Variants in ZNF275 observed in about 807,000 individuals in gnomAD.
The protein encoded by ZNF275 is zinc finger protein 275.
In ZNF275, 4 loss-of-function variants were observed where a neutral mutation model predicts 4.3. The ratio of observed to expected loss-of-function variants is 0.93; its 90% CI spans 0.46 to 2.13. ZNF275 has a LOEUF of 2.13. ZNF275 is among the 30% of genes most tolerant of loss of function. The pLI is 0.02. For synonymous variants in ZNF275, 173 were observed against 166.9 expected (o/e 1.04, Z -0.28); for missense variants, 352 against 397.1 (o/e 0.89, Z 0.97).
intron 2 of ZNF275, among the ~76,000 whole-genome samples, chrX:153,341,637 A>T (rs1053496767): frequency 9.0e-6 from 1 of 111,710 alleles, no homozygotes; most frequent in Non-Finnish European, 1.9e-5. Context: ...TCTGCTGGTG[A>T]TGAATTCTCT....
In ZNF275 at chrX:153,350,035, G is replaced by C. The variant is rs2088546804; in HGVS notation, c.*2060G>C. 1 of 124,104 alleles carries C rather than the reference G, an allele frequency of 8.1e-6. No homozygotes were observed. Among genetic ancestry groups the C allele is most frequent in the African/African-American group, 3.2e-5 (1 of 31,025 alleles). 10.2% of individuals were successfully genotyped at this position (124,104 alleles called of 1,213,427 possible). A position where few individuals can be genotyped will look rare whatever the true frequency, so the allele number is the denominator to read the frequency against. On this transcript the variant is annotated 3_prime_UTR_variant, in exon 4 of 4. Coordinates refer to ENST00000650114, the MANE Select transcript of ZNF275 (RefSeq NM_001367757.1). ...GGGAGCCTTGGCAATGCTCCGAGTG[G>C]ATTCAGTGACTGAGCAGCAGATTCA... is the stretch of plus-strand genomic sequence containing the variant.
chrX:153,342,164 CTA>C (rs1401313100), intron 2 of ZNF275, among the ~76,000 whole-genome samples: 2 of 112,083 alleles, frequency 1.8e-5, no homozygotes, highest in African/African-American at 6.5e-5. Flanking sequence ...ATTTCTATTG[CTA>C]TGTCATCAAG....
chrX:153,337,257 T>C (rs782413909), intron 2 of ZNF275, among the ~76,000 whole-genome samples: 1 of 111,776 alleles, frequency 8.9e-6, no homozygotes, highest in African/African-American at 3.3e-5. Context: ...TGTTAGAGAA[T>C]GTTGCTTGGC....
intron 2 of ZNF275, among the ~76,000 whole-genome samples, chrX:153,337,308 T>C (rs1556960676): frequency 8.9e-6 from 1 of 111,793 alleles, no homozygotes. Flanking sequence ...GTCTTTAGGC[T>C]CAGAAGCTAC....
intron 3 of ZNF275, 22 bp downstream of exon 3, chrX:153,345,643 G>A (rs374358643): frequency 2.6e-6 from 3 of 1,153,283 alleles, no homozygotes; most frequent in Non-Finnish European, 3.5e-6. Context: ...AGAAATGTGA[G>A]GAAATTGGGG....
intron 3 of ZNF275, among the ~76,000 whole-genome samples, chrX:153,346,450 G>A (rs1556961560): frequency 9.1e-6 from 1 of 110,035 alleles, no homozygotes; most frequent in African/African-American, 3.3e-5. Context: ...TGGGGCCCCA[G>A]CTGAGCTCTT....
At chrX:153,338,792 A>T (rs782766862) in intron 2 of ZNF275, among the ~76,000 whole-genome samples, 1 of 107,530 alleles carries the variant, frequency 9.3e-6, no homozygotes, top group Admixed American at 1.0e-4. Flanking sequence ...TGTTAACAGG[A>T]TGGTTTAAAG....
chrX:153,341,276 T>G (rs1295305696), intron 2 of ZNF275, among the ~76,000 whole-genome samples: 4 of 112,117 alleles, frequency 3.6e-5, no homozygotes, highest in African/African-American at 1.3e-4. Context: ...TTCCATTCTT[T>G]TTTCCCCTCT....
At chrX:153,344,122 T>C (rs1182444855) in intron 2 of ZNF275, 1 of 329,014 alleles carries the variant, frequency 3.0e-6, no homozygotes, top group Non-Finnish European at 5.9e-6. Flanking sequence ...CTTTCTTTAG[T>C]TCCACCTACT....
intron 2 of ZNF275, among the ~76,000 whole-genome samples, chrX:153,338,570 A>G (rs2124204334): frequency 9.0e-6 from 1 of 110,948 alleles, no homozygotes; most frequent in Non-Finnish European, 1.9e-5. Context: ...AATCATGCCA[A>G]TTAAGTAAAA....
chrX:153,344,500 G>A, intron 2 of ZNF275: 1 of 312,654 alleles, frequency 3.2e-6, no homozygotes, highest in Non-Finnish European at 6.1e-6. Context: ...AGGGATCCTA[G>A]TGCTTGATCA....
chrX:153,342,030 C>T (rs1927888645), intron 2 of ZNF275, among the ~76,000 whole-genome samples: 1 of 112,156 alleles, frequency 8.9e-6, no homozygotes, highest in Non-Finnish European at 1.9e-5. Context: ...ATCCCTCCCC[C>T]CACTTTTCCT....
At position 153,348,493 on chromosome X, in the gene ZNF275, A is replaced by G. The variant is rs1318322149; in HGVS notation, c.*518A>G. On this transcript the variant is annotated 3_prime_UTR_variant, in exon 4 of 4. Transcript: ENST00000650114. ...GTTATACATACATACTGTAAATCAC[A>G]TATTATATAAAATAATATATTAATT... The G allele has an allele frequency of 8.1e-6, 1 of 123,078 alleles. No homozygotes were observed. Among genetic ancestry groups the G allele is most frequent in the Non-Finnish European group, 1.9e-5 (1 of 53,324 alleles). The allele number at this position is 123,078 out of a possible 1,213,427, so 10.1% of individuals were successfully genotyped here. A position where few individuals can be genotyped will look rare whatever the true frequency, so the allele number is the denominator to read the frequency against.
At chrX:153,334,871 T>TGGGGGGGGGGGGGGG (rs34010706) in intron 1 of ZNF275, among the ~76,000 whole-genome samples, 13 of 55,032 alleles carry the variant, frequency 2.4e-4, no homozygotes, top group Non-Finnish European at 2.9e-4. Flanking sequence ...TGGGTGGGAG[T>TGGGGGGGGGGGGGGG]GGGGGGGGGC....
At chrX:153,346,006 TA>T (rs782801676) in intron 3 of ZNF275, among the ~76,000 whole-genome samples, 28 of 107,639 alleles carry the variant, frequency 2.6e-4, no homozygotes, top group Non-Finnish European at 4.8e-4. Context: ...AGGTTAGGGT[TA>T]GGGGGTCCAG....
rs1460461613 is a variant in ZNF275, at chrX:153,345,622, G to A, written c.133+1G>A. On this transcript the variant is annotated splice_donor_variant, in intron 3 of 3. Coordinates refer to ENST00000650114, the MANE Select transcript of ZNF275 (RefSeq NM_001367757.1). LOFTEE classifies it high-confidence loss of function. The stretch of plus-strand genomic sequence containing the variant: ...AACACTGATCCTGCTAAGTACTCTG[G>A]TGAGTGAAAAAGAAATGTGAGGAAA... 1.5e-5 allele frequency: 18 copies of A among 1,199,443 alleles called. No individual in the cohort carries two copies. Among genetic ancestry groups the A allele is most frequent in the African/African-American group, 1.7e-5 (1 of 57,190 alleles).
rs782730660 is a variant in ZNF275 at position 153,346,831 on chromosome X, C to T, written c.146C>T (p.Ala49Val). The change falls in exon 4 of 4, where the codon GCG becomes GTG. Residue 49 changes from alanine (A) to valine (V), a missense_variant. By Grantham distance (64) the Ala-to-Val change is moderately conservative (BLOSUM62 0). Coordinates refer to ENST00000650114, the MANE Select transcript of ZNF275 (RefSeq NM_001367757.1). Reference protein sequence around the residue: ...DPAKYSESTSATRHQMKGEDA... With the variant: ...DPAKYSESTSVTRHQMKGEDA... ...TTTATCGTTTCAGAAAGCACCTCCG[C>T]GACCCGACACCAGATGAAGGGGGAA... The T allele has an allele frequency of 2.5e-5, 30 of 1,192,450 alleles. No individual in the cohort carries two copies. The highest frequency in any genetic ancestry group is 6.0e-5 in the East Asian group (2 of 33,609).
At chrX:153,345,701 C>T in intron 3 of ZNF275, 80 bp downstream of exon 3, 2 of 803,690 alleles carry the variant, frequency 2.5e-6, no homozygotes, top group Non-Finnish European at 3.6e-6. Flanking sequence ...TTGGAGAGCC[C>T]AGCTGAGCTG....
chrX:153,346,784 C>T (rs1281997526), intron 3 of ZNF275, 35 bp from the exon 4 acceptor site: 1 of 1,147,499 alleles, frequency 8.7e-7, no homozygotes, highest in African/African-American at 1.8e-5. Context: ...CCTTCATCCT[C>T]TGCAGACTAC....
Sources: gnomAD v4.1 joint callset for allele counts (sites outside exome capture counted in the v4.1 genomes callset) on GRCh38, gnomAD v4.1.1 for gene constraint, MANE v1.5 for transcripts, NCBI Gene and HGNC (gene_info 2026-07-23, HGNC 2026-07-21) for gene names.